Variants in FAT1 observed in about 807,000 individuals in gnomAD.
FAT1 encodes the protein FAT atypical cadherin 1.
FAT1 carries 171 observed loss-of-function variants against 329.8 expected under a neutral mutation model. The observed-to-expected ratio is 0.52, with a 90% CI of 0.46 to 0.59. The LOEUF is 0.59. Ranked by LOEUF, FAT1 falls within the 20% of genes least tolerant of loss-of-function variation. The probability of loss-of-function intolerance (pLI) is 0.00; values close to 1 mark genes in which losing one functional copy is unlikely to be tolerated. For synonymous variants in FAT1, 2,233 were observed against 2,228.6 expected, an observed-to-expected ratio of 1.00 and a Z score of -0.06; for missense variants, 5,672 against 5,774.4, an observed-to-expected ratio of 0.98 and a Z score of 0.57.
intron 10 of FAT1, 111 bp downstream of exon 10, chr4:186,617,597 A>G (rs1376154401): frequency 1.2e-6 from 1 of 863,050 alleles, no homozygotes; most frequent in Non-Finnish European, 1.7e-6. Flanking sequence ...AGATATTTTT[A>G]ACTAAAATCA....
At position 186,621,218 on chromosome 4, in the gene FAT1, C is replaced by T. The variant is rs777812985; in HGVS notation, c.5368G>A (p.Val1790Ile). Reference sequence around the variant, plus strand: ...TCAGCTGCTCGAATCACCAGTGGGACATTCCTGTCTGTTAGGACCACGCTG... The same window carrying T: ...TCAGCTGCTCGAATCACCAGTGGGATATTCCTGTCTGTTAGGACCACGCTG... Reference protein sequence around the residue: ...INSVVLTDRNVPLVIRAADAD... With the variant: ...INSVVLTDRNIPLVIRAADAD... Residue 1790 changes from valine (V) to isoleucine (I), a missense_variant, in exon 10 of 27, where the codon GTC becomes ATC. Physicochemically the swap from Val to Ile is conservative, Grantham distance 29. Coordinates refer to ENST00000441802, the MANE Select transcript of FAT1 (RefSeq NM_005245.4). The T allele has an allele frequency of 1.9e-6, 3 of 1,614,034 alleles. No homozygotes were observed. Among genetic ancestry groups the T allele is most frequent in the South Asian group, 1.1e-5 (1 of 91,078 alleles).
intron 14 of FAT1, among the ~76,000 whole-genome samples, chr4:186,610,615 TATATAA>T (rs1013651754): frequency 7.9e-6 from 1 of 127,326 alleles, no homozygotes; most frequent in African/African-American, 3.2e-5. Flanking sequence ...TTATATAAAT[TATATAA>T]ATATAAATTA....
At chr4:186,700,023 T>C (rs1744225857) in intron 2 of FAT1, among the ~76,000 whole-genome samples, 1 of 152,168 alleles carries the variant, frequency 6.6e-6, no homozygotes, top group Non-Finnish European at 1.5e-5. Flanking sequence ...AACAGTTCCC[T>C]GGCAAGGGGG....
In FAT1 at chr4:186,596,658, C is replaced by G. The variant is rs762456980; in HGVS notation, c.12882G>C (p.Gly4294=). 1.2e-6 allele frequency: 2 copies of G among 1,611,512 alleles called. No homozygotes were observed. The highest frequency in any genetic ancestry group is 1.7e-6 in the Non-Finnish European group (2 of 1,178,584). ...FSTFNPESVH[G]HRKAVAVCSV... ...TGCAGACCGCCACTGCTTTTCGGTG[C>G]CCGTGCACAGACTCGGGGTTAAAAG... is the stretch of plus-strand genomic sequence containing the variant. The change falls in exon 25 of 27, where the codon GGG becomes GGC. Residue 4294 remains glycine, a synonymous_variant. Transcript: ENST00000441802. The surrounding 1 kb of genome is among the most constrained non-coding windows in gnomAD (Gnocchi z 4.7).
At chr4:186,625,642 A>G (rs1740263656) in intron 9 of FAT1, among the ~76,000 whole-genome samples, 1 of 152,280 alleles carries the variant, frequency 6.6e-6, no homozygotes, top group Non-Finnish European at 1.5e-5. Flanking sequence ...TAAACTCATT[A>G]TGAAGAAGAC....
At chr4:186,647,236 C>T (rs923837767) in intron 3 of FAT1, among the ~76,000 whole-genome samples, 4 of 152,176 alleles carry the variant, frequency 2.6e-5, no homozygotes, top group Admixed American at 6.5e-5. Flanking sequence ...CGCTTTTTAG[C>T]CACCACTAAT....
At chr4:186,651,490 T>C (rs982686123) in intron 3 of FAT1, among the ~76,000 whole-genome samples, 10 of 152,180 alleles carry the variant, frequency 6.6e-5, no homozygotes, top group Non-Finnish European at 1.5e-5. Context: ...GGGAAAATCC[T>C]TCAAATGTGG....
At chr4:186,609,432 T>G in intron 15 of FAT1, 112 bp from the exon 16 acceptor site, 3 of 1,283,082 alleles carry the variant, frequency 2.3e-6, no homozygotes, top group Non-Finnish European at 3.1e-6. Context: ...TTGTTTTTTT[T>G]TTGAGATGGA....
At position 186,707,637 on chromosome 4, in the gene FAT1, G is replaced by A. The variant is rs1427912045; in HGVS notation, c.2191C>T (p.Pro731Ser). ...ATGAAAATTACACTGGAACCCACAGGCTGGTTTTCCTTTACCTGAATACCA... is the reference window on the plus strand; with the variant it reads ...ATGAAAATTACACTGGAACCCACAGACTGGTTTTCCTTTACCTGAATACCA... Reference protein sequence around the residue: ...PTGIQVKENQPVGSSVIFMNS... With the variant: ...PTGIQVKENQSVGSSVIFMNS... Residue 731 changes from proline to serine, a missense_variant, in exon 2 of 27, where the codon CCT becomes TCT. This residue lies in a region of FAT1 where 3,966 missense variants were observed against 3,915.2 expected (regional missense o/e 1.01). Coordinates refer to ENST00000441802, the MANE Select transcript of FAT1 (RefSeq NM_005245.4). 5 of 1,613,948 alleles carry A rather than the reference G, an allele frequency of 3.1e-6. No homozygotes were observed. In the South Asian group the frequency reaches 5.5e-5, roughly 18 times the overall value.
At chr4:186,631,617 G>C (rs1740597339) in intron 7 of FAT1, among the ~76,000 whole-genome samples, 1 of 149,714 alleles carries the variant, frequency 6.7e-6, no homozygotes, top group African/African-American at 2.5e-5. Flanking sequence ...TCACCTCCCA[G>C]CTGACTCCTG....
At chr4:186,719,101 C>A (rs327101) in intron 1 of FAT1, among the ~76,000 whole-genome samples, 45,315 of 152,008 alleles carry the variant, frequency 0.3, 7,843 homozygotes, top group African/African-American at 0.48. Flanking sequence ...GACTCACCTA[C>A]AACTCTGGCA....
chr4:186,603,486 A>T lies in FAT1; in HGVS notation c.11040T>A (p.Ile3680=), dbSNP rs1738921570. 6.2e-7 allele frequency: 1 copy of T among 1,613,986 alleles called. No homozygotes were observed. Among genetic ancestry groups the T allele is most frequent in the Non-Finnish European group, 8.5e-7 (1 of 1,179,874 alleles). Residue 3680 remains isoleucine (I), a synonymous_variant, in exon 19 of 27, where the codon ATT becomes ATA. Coordinates refer to ENST00000441802, the MANE Select transcript of FAT1 (RefSeq NM_005245.4). Reference sequence around the variant, plus strand: ...GAGGTTCAGAGGACTGCAAACTAACAATCTGTATGTCGTTCCTCCTCACAC... The same window carrying T: ...GAGGTTCAGAGGACTGCAAACTAACTATCTGTATGTCGTTCCTCCTCACAC... ...ILGVRRNDIQ[I]VSLQSSEPHP... is the part of the protein sequence containing the mutation.
In FAT1 at chr4:186,707,226, A is replaced by G. The variant is rs2126686748; in HGVS notation, c.2602T>C (p.Phe868Leu). The G allele has an allele frequency of 6.2e-7, 1 of 1,613,868 alleles. No homozygotes were observed. Among genetic ancestry groups the G allele is most frequent in the East Asian group, 2.2e-5 (1 of 44,854 alleles). ...TYSIVTDTDTFSIDSVTGVVN... is the reference protein window; with the variant it reads ...TYSIVTDTDTLSIDSVTGVVN... ...ACACCCGTCACGCTGTCAATTGAAA[A>G]TGTGTCTGTGTCTGTAACAATTGAG... Residue 868 changes from phenylalanine to leucine, a missense_variant, in exon 2 of 27, where the codon TTT becomes CTT. Phe to Leu is a conservative substitution (Grantham distance 22). This residue lies in a region of FAT1 where 3,966 missense variants were observed against 3,915.2 expected (regional missense o/e 1.01). Coordinates refer to ENST00000441802, the MANE Select transcript of FAT1 (RefSeq NM_005245.4).
chr4:186,588,472 G>T lies in FAT1; in HGVS notation c.*120C>A. ...CACGTCCAGAGGCGCAGGATCCAGCGCAGCCATGCCCATTCGGCTCACCAA... is the reference window on the plus strand; with the variant it reads ...CACGTCCAGAGGCGCAGGATCCAGCTCAGCCATGCCCATTCGGCTCACCAA... On this transcript the variant is annotated 3_prime_UTR_variant, in exon 27 of 27. Coordinates refer to ENST00000441802, the MANE Select transcript of FAT1 (RefSeq NM_005245.4). 8.3e-7 allele frequency: 1 copy of T among 1,209,336 alleles called. No individual in the cohort carries two copies. Among genetic ancestry groups the T allele is most frequent in the Non-Finnish European group, 1.1e-6 (1 of 887,058 alleles). The allele number at this position is 1,209,336 out of a possible 1,614,324, so 74.9% of individuals were successfully genotyped here.
chr4:186,645,409 AT>A lies in FAT1; in HGVS notation c.3581-5627del, dbSNP rs1560962491. On this transcript the variant is annotated intron_variant, in intron 3 of 26. Coordinates refer to ENST00000441802, the MANE Select transcript of FAT1 (RefSeq NM_005245.4). Reference sequence around the variant, plus strand: ...TATATATATATATATATATATATATATATATATATATATGCCTGTAAAAAAC... The same window carrying A: ...TATATATATATATATATATATATATAATATATATATATGCCTGTAAAAAAC... Among the ~76,000 whole-genome samples the A allele has an allele frequency of 1.4e-3, 134 of 93,968 alleles. 5 individuals are homozygous for A. The highest frequency in any genetic ancestry group is 5.3e-3 in the African/African-American group (126 of 23,766). 61.6% of individuals were successfully genotyped at this position (93,968 alleles called of 152,430 possible).
chr4:186,683,877 C>G (rs1172936583), intron 2 of FAT1, among the ~76,000 whole-genome samples: 1 of 151,544 alleles, frequency 6.6e-6, no homozygotes, highest in East Asian at 1.9e-4. Flanking sequence ...GTGATCCTTC[C>G]AAAAAGATTC....
In FAT1 at chr4:186,663,349, T is replaced by C. The variant is rs1380799392; in HGVS notation, c.3530A>G (p.Lys1177Arg). 3.1e-6 allele frequency: 5 copies of C among 1,614,068 alleles called. No homozygotes were observed. In the South Asian group the frequency reaches 4.4e-5, roughly 14 times the overall value. The change falls in exon 3 of 27, where the codon AAA (lysine) becomes AGA (arginine). Residue 1177 changes from lysine to arginine, a missense_variant. By Grantham distance (26) the Lys-to-Arg change is conservative (BLOSUM62 2). This residue lies in a region of FAT1 where 3,966 missense variants were observed against 3,915.2 expected (regional missense o/e 1.01). Transcript: ENST00000441802. ...DSSSNDKLMY[K>R]ITSGNPQGFF... is the part of the protein sequence containing the mutation. ...TCCTTGTGGATTTCCACTTGTAATT[T>C]TGTACATGAGCTTGTCATTAGAGCT...
At chr4:186,715,577 A>C (rs1238181343) in intron 1 of FAT1, among the ~76,000 whole-genome samples, 1 of 152,236 alleles carries the variant, frequency 6.6e-6, no homozygotes, top group Non-Finnish European at 1.5e-5. Flanking sequence ...CATGCAAAAC[A>C]AACAGTAAAG....
chr4:186,698,530 A>G (rs1301295179), intron 2 of FAT1, among the ~76,000 whole-genome samples: 1 of 152,254 alleles, frequency 6.6e-6, no homozygotes, highest in Non-Finnish European at 1.5e-5. Context: ...AAACAGCTCC[A>G]CGTAACGAAG....
Sources: gnomAD v4.1 joint callset for allele counts (sites outside exome capture counted in the v4.1 genomes callset) on GRCh38, gnomAD v4.1.1 for gene constraint, gnomAD v4.1.1 regional missense constraint, Gnocchi (gnomAD v3.1) non-coding constraint, MANE v1.5 for transcripts, NCBI Gene and HGNC (gene_info 2026-07-23, HGNC 2026-07-21) for gene names.